AMY2B: variants seen among roughly 807,000 people sequenced by gnomAD.
The protein encoded by AMY2B is alpha-amylase 2B.
In AMY2B, 63 loss-of-function variants were observed where a neutral mutation model predicts 59.3. The observed-to-expected ratio is 1.06, with a 90% CI of 0.87 to 1.31. The LOEUF (loss-of-function observed/expected upper bound fraction) is 1.31, where lower values mean the gene tolerates loss of function less well. AMY2B is among the 50% of genes most tolerant of loss of function. The probability of loss-of-function intolerance (pLI) is 0.00; values close to 1 mark genes in which losing one functional copy is unlikely to be tolerated. For missense variants in AMY2B, 635 were observed against 626.7 expected (o/e 1.01, Z -0.14); for synonymous variants, 180 against 198.1 (o/e 0.91, Z 0.77).
intron 7 of AMY2B, among the ~76,000 whole-genome samples, chr1:103,576,618 A>G (rs1652364618): frequency 6.6e-6 from 1 of 152,140 alleles, no homozygotes; most frequent in South Asian, 2.1e-4. Context: ...CAATCAGAAA[A>G]ACATAATATT....
rs368810545 is a variant in AMY2B, at chr1:103,573,682, C to A, written c.514-26C>A. On this transcript the variant is annotated intron_variant, in intron 3 of 9. Transcript: ENST00000684275. ...ATGTGAAAAATGAGGTTTTATGAATCAATCATAACATTTTTACCTCAACAG... is the reference window on the plus strand; with the variant it reads ...ATGTGAAAAATGAGGTTTTATGAATAAATCATAACATTTTTACCTCAACAG... 13 of 1,612,272 alleles carry A rather than the reference C, an allele frequency of 8.1e-6. No individual in the cohort carries two copies. The African/African-American group carries it at 1.5e-4, about 18-fold the overall frequency.
intron 1 of AMY2B, among the ~76,000 whole-genome samples, chr1:103,558,596 C>T (rs1651634013): frequency 6.6e-6 from 1 of 151,830 alleles, no homozygotes; most frequent in South Asian, 2.1e-4. Flanking sequence ...TTGTAAACAA[C>T]AACAACAAAA....
chr1:103,558,282 A>G (rs552334111), intron 1 of AMY2B, among the ~76,000 whole-genome samples: 23 of 152,352 alleles, frequency 1.5e-4, no homozygotes, highest in Admixed American at 1.2e-3. Context: ...CTAGTTGAAC[A>G]TGAGAAACTT....
At chr1:103,566,071 G>A (rs1651899559) in intron 2 of AMY2B, among the ~76,000 whole-genome samples, 1 of 152,032 alleles carries the variant, frequency 6.6e-6, no homozygotes, top group African/African-American at 2.4e-5. Context: ...CTAAAACACT[G>A]TATTGACTTC....
rs1486095087 is a variant in AMY2B at position 103,573,258 on chromosome 1, C to G, written c.511C>G (p.Gln171Glu). ...TATCGAGAACTACAATGATGCTACT[C>G]AGGTAAATTTTTTTATGAGAGTCAT... Reference protein sequence around the residue: ...GDIENYNDATQVRDCRLVGLL... With the variant: ...GDIENYNDATEVRDCRLVGLL... Residue 171 changes from glutamine to glutamate, a missense_variant and splice_region_variant, in exon 3 of 10, where the codon CAG (glutamine) becomes GAG (glutamate). Transcript: ENST00000684275. 1.9e-6 allele frequency: 3 copies of G among 1,613,464 alleles called. No individual in the cohort carries two copies. In the Admixed American group the frequency reaches 5.0e-5, roughly 27 times the overall value.
intron 1 of AMY2B, among the ~76,000 whole-genome samples, chr1:103,559,854 C>A (rs1314089997): frequency 6.6e-6 from 1 of 151,982 alleles, no homozygotes; most frequent in African/African-American, 2.4e-5. Flanking sequence ...TAAAAACTGA[C>A]AGGTTTGTAA....
intron 1 of AMY2B, among the ~76,000 whole-genome samples, chr1:103,562,566 A>C (rs1651766926): frequency 6.6e-6 from 1 of 152,090 alleles, no homozygotes. Context: ...TAAATGTGAC[A>C]TTAAGGTATT....
At chr1:103,561,887 G>T (rs1186875084) in intron 1 of AMY2B, 1 of 152,054 alleles carries the variant, frequency 6.6e-6, no homozygotes, top group African/African-American at 2.4e-5. Context: ...AAGATTCCTT[G>T]TACAAATCTG....
chr1:103,564,471 T>C (rs1442808873), intron 1 of AMY2B, among the ~76,000 whole-genome samples: 2 of 152,154 alleles, frequency 1.3e-5, no homozygotes, highest in Admixed American at 6.6e-5. Context: ...TATTTGCTTT[T>C]AAAAATCATC....
upstream of AMY2B, chr1:103,568,586 A>G (rs1010073761): frequency 6.6e-6 from 1 of 152,226 alleles, no homozygotes; most frequent in Non-Finnish European, 1.5e-5. Context: ...AAATGGAAAT[A>G]TCACATAATA....
chr1:103,558,911 GT>G (rs139393440), intron 1 of AMY2B, among the ~76,000 whole-genome samples: 13,701 of 152,086 alleles, frequency 0.09, 651 homozygotes, highest in Middle Eastern at 0.23. Context: ...CATGTATTGA[GT>G]TTTTTTCGTC....
chr1:103,571,402 TA>T, upstream of AMY2B: 1 of 1,252,836 alleles, frequency 8.0e-7, no homozygotes, highest in Non-Finnish European at 1.1e-6. Flanking sequence ...CATTAATTTC[TA>T]AAAGGTCATT....
At chr1:103,566,855 G>T (rs1651927243), upstream of AMY2B, among the ~76,000 whole-genome samples, 1 of 152,078 alleles carries the variant, frequency 6.6e-6, no homozygotes, top group Admixed American at 6.6e-5. Flanking sequence ...TTGATTTTTA[G>T]AAAATCAATG....
chr1:103,575,115 G>T (rs1395496762), intron 5 of AMY2B, 108 bp from the exon 6 acceptor site: 8 of 1,494,592 alleles, frequency 5.4e-6, no homozygotes, highest in South Asian at 1.3e-5. Flanking sequence ...ATTAGAGAAA[G>T]AATTTAATCT....
intron 9 of AMY2B, among the ~76,000 whole-genome samples, chr1:103,578,476 C>G (rs1190847868): frequency 6.6e-6 from 1 of 152,142 alleles, no homozygotes; most frequent in African/African-American, 2.4e-5. Context: ...ATTCCCTAAC[C>G]TATAGCTCAG....
chr1:103,557,289 T>C (rs1651587811), intron 1 of AMY2B, among the ~76,000 whole-genome samples: 1 of 152,112 alleles, frequency 6.6e-6, no homozygotes, highest in Non-Finnish European at 1.5e-5. Flanking sequence ...CAAGTAAGAC[T>C]GGAACATCTG....
At chr1:103,577,458 G>A (rs1359769178) in intron 7 of AMY2B, 32 bp from the exon 8 acceptor site, 3 of 1,611,636 alleles carry the variant, frequency 1.9e-6, no homozygotes, top group East Asian at 2.2e-5. Context: ...ATATATGTAT[G>A]TTAAAATTTG....
intron 1 of AMY2B, among the ~76,000 whole-genome samples, chr1:103,555,890 A>G (rs1651531907): frequency 6.6e-6 from 1 of 152,196 alleles, no homozygotes; most frequent in Admixed American, 6.5e-5. Context: ...GAGAAAAAAC[A>G]TAATGCCGGA....
chr1:103,558,805 GTCTC>G (rs777116432), intron 1 of AMY2B, among the ~76,000 whole-genome samples: 1 of 147,720 alleles, frequency 6.8e-6, no homozygotes, highest in Admixed American at 6.8e-5. Context: ...TTTTTCCTCT[GTCTC>G]TCTTCCCATC....
Sources: allele counts gnomAD v4.1 joint callset (sites outside exome capture counted in the v4.1 genomes callset), GRCh38; gene constraint gnomAD v4.1.1; transcripts MANE v1.5; gene names NCBI Gene and HGNC (gene_info 2026-07-23, HGNC 2026-07-21).